The following BYSL variants were observed in gnomAD, a reference collection of about 807,000 sequenced individuals.
BYSL encodes bystin like, also known as bystin.
Under a neutral mutation model 45.4 loss-of-function variants are expected in BYSL, and 21 were observed. That is an observed-to-expected ratio of 0.46 (90% CI 0.33 to 0.67). The LOEUF (loss-of-function observed/expected upper bound fraction) is 0.67. Among genes scored for constraint, BYSL ranks in the 30% least tolerant of loss-of-function variants. The probability of loss-of-function intolerance (pLI) is 0.02; values close to 1 mark genes in which losing one functional copy is unlikely to be tolerated. For synonymous variants in BYSL, 215 were observed against 231.3 expected (o/e 0.93, Z 0.64); for missense variants, 522 against 578.5 (o/e 0.90, Z 1.00).
At chr6:41,909,478 G>C in the BYSL span, 1 of 1,614,226 alleles carries the variant, frequency 6.2e-7, no homozygotes, top group Non-Finnish European at 8.5e-7. Context: ...CAGCTCAATG[G>C]GTACTCTGAG....
At chr6:41,924,278 C>G (rs952083732) in intron 1 of BYSL, among the ~76,000 whole-genome samples, 2 of 151,774 alleles carry the variant, frequency 1.3e-5, no homozygotes, top group Admixed American at 1.3e-4. Context: ...GCTATGTTGG[C>G]CAGCCTGGTC....
intron 4 of BYSL, 55 bp from the exon 5 acceptor site, chr6:41,931,341 G>A: frequency 2.5e-6 from 4 of 1,593,108 alleles, no homozygotes; most frequent in Non-Finnish European, 3.4e-6. Context: ...TATTTAATGG[G>A]CCGGGTCCAG....
intron 1 of BYSL, among the ~76,000 whole-genome samples, chr6:41,923,724 TGCACC>T (rs1775524167): frequency 1.2e-4 from 19 of 152,206 alleles, no homozygotes; most frequent in Middle Eastern, 3.4e-3. Flanking sequence ...TGTGAGCTAC[TGCACC>T]CTGCCGTGTC....
Position 41,932,294 on chromosome 6 carries a change from G to C in BYSL, c.969-67G>C. 6.9e-7 allele frequency: 1 copy of C among 1,454,650 alleles called. No individual in the cohort carries two copies. The highest frequency in any genetic ancestry group is 9.4e-7 in the Non-Finnish European group (1 of 1,060,684). 90.1% of individuals were successfully genotyped at this position (1,454,650 alleles called of 1,614,324 possible). On this transcript the variant is annotated intron_variant, in intron 6 of 6. Coordinates refer to ENST00000230340, the MANE Select transcript of BYSL (RefSeq NM_004053.4). The surrounding 1 kb of genome is among the most constrained non-coding windows in gnomAD (Gnocchi z 4.7). ...GAAGAAAAAAAGGGGAAAGCATAGA[G>C]GGAGAAGTAGGATCCTTCTTCCAAT...
At chr6:41,912,112 G>C in the BYSL span, among the ~76,000 whole-genome samples, 1 of 148,754 alleles carries the variant, frequency 6.7e-6, no homozygotes, top group Non-Finnish European at 1.5e-5. Context: ...GTAGTGGCAT[G>C]AACACAGCTC....
At chr6:41,928,894 T>A (rs766186756) in intron 2 of BYSL, among the ~76,000 whole-genome samples, 3 of 152,166 alleles carry the variant, frequency 2.0e-5, no homozygotes, top group Non-Finnish European at 4.4e-5. Flanking sequence ...CCAAACTCAG[T>A]GCCTGGCATT....
intron 1 of BYSL, among the ~76,000 whole-genome samples, chr6:41,925,266 G>A (rs892299584): frequency 2.0e-5 from 3 of 152,172 alleles, no homozygotes; most frequent in Non-Finnish European, 2.9e-5. Flanking sequence ...CTATTGATAC[G>A]TAGCATTATA....
At chr6:41,931,070 C>A (rs144435402) in intron 4 of BYSL, among the ~76,000 whole-genome samples, 205 of 89,372 alleles carry the variant, frequency 2.3e-3, no homozygotes, top group African/African-American at 9.7e-3. Context: ...GGGATACAAC[C>A]CTGTAGCAGG....
chr6:41,909,127 T>C, the BYSL span: 3 of 1,134,868 alleles, frequency 2.6e-6, no homozygotes, highest in African/African-American at 3.1e-5. Flanking sequence ...TGTGCCAAGA[T>C]TGTGCCATTG....
intron 6 of BYSL, 26 bp downstream of exon 6, chr6:41,931,856 G>A (rs1285806320): frequency 2.5e-6 from 4 of 1,585,924 alleles, no homozygotes; most frequent in African/African-American, 2.7e-5. Flanking sequence ...GTGGAAGGGG[G>A]CTGGTCAGTG....
At chr6:41,916,755 C>T, upstream of BYSL, 1 of 1,610,984 alleles carries the variant, frequency 6.2e-7, no homozygotes, top group Non-Finnish European at 8.5e-7. Flanking sequence ...AAGCCTGGTT[C>T]CAGCCATCCT....
intron 1 of BYSL, among the ~76,000 whole-genome samples, chr6:41,924,631 A>T (rs1400201526): frequency 6.6e-6 from 1 of 152,232 alleles, no homozygotes; most frequent in Admixed American, 6.5e-5. Flanking sequence ...ATGGTCAGGT[A>T]GGTGGGAGCC....
intron 3 of BYSL, 128 bp from the exon 4 acceptor site, chr6:41,930,507 C>T: frequency 7.6e-7 from 1 of 1,322,148 alleles, no homozygotes; most frequent in Non-Finnish European, 1.0e-6. Flanking sequence ...ATAATAATGG[C>T]ACCTCCTTAT....
the BYSL span, among the ~76,000 whole-genome samples, chr6:41,916,116 C>T: frequency 6.6e-6 from 1 of 151,876 alleles, no homozygotes; most frequent in African/African-American, 2.4e-5. Context: ...GGCGTGGTGG[C>T]TCATGCCTGT....
intron 4 of BYSL, among the ~76,000 whole-genome samples, chr6:41,931,044 G>A (rs1462327248): frequency 1.9e-5 from 2 of 106,466 alleles, no homozygotes; most frequent in Admixed American, 1.7e-4. Flanking sequence ...CTAGGGGAGA[G>A]GCTTTTATAG....
intron 1 of BYSL, among the ~76,000 whole-genome samples, chr6:41,925,645 G>C (rs1351445445): frequency 6.6e-6 from 1 of 151,728 alleles, no homozygotes; most frequent in South Asian, 2.1e-4. Context: ...TTACAGGCGT[G>C]AGCCACCGCG....
Position 41,932,250 on chromosome 6 carries a change from T to A in BYSL, c.969-111T>A. 9.7e-7 allele frequency: 1 copy of A among 1,031,962 alleles called. No individual in the cohort carries two copies. 63.9% of individuals were successfully genotyped at this position (1,031,962 alleles called of 1,614,324 possible). A position where few individuals can be genotyped will look rare whatever the true frequency, so the allele number is the denominator to read the frequency against. On this transcript the variant is annotated intron_variant, in intron 6 of 6. Coordinates refer to ENST00000230340, the MANE Select transcript of BYSL (RefSeq NM_004053.4). The surrounding 1 kb of genome is among the most constrained non-coding windows in gnomAD (Gnocchi z 4.7). ...AGAAGGTCCCTGGGGAATACCATAG[T>A]GTAAGGGCCAGCAGAGGGGAAGAAA...
At chr6:41,923,907 T>G (rs896467800) in intron 1 of BYSL, among the ~76,000 whole-genome samples, 4 of 152,212 alleles carry the variant, frequency 2.6e-5, no homozygotes, top group African/African-American at 4.8e-5. Flanking sequence ...ATTAGGGGGT[T>G]TGGCCTGGTT....
rs753749685 is a variant in BYSL, at chr6:41,931,434, G to A, written c.743G>A (p.Arg248His). 8.1e-6 allele frequency: 13 copies of A among 1,614,054 alleles called. No homozygotes were observed. Among genetic ancestry groups the A allele is most frequent in the African/African-American group, 6.7e-5 (5 of 74,916 alleles). ...ASNLKERMAQ[R>H]FYNLVLLPRV... ...AACCTGAAGGAACGCATGGCCCAGC[G>A]CTTCTACAACCTTGTCCTGCTCCCT... Residue 248 changes from arginine to histidine, a missense_variant, in exon 5 of 7, where the codon CGC (arginine) becomes CAC (histidine). Transcript: ENST00000230340.
Sources: gnomAD v4.1 joint callset for allele counts (sites outside exome capture counted in the v4.1 genomes callset) on GRCh38, gnomAD v4.1.1 for gene constraint, Gnocchi (gnomAD v3.1) non-coding constraint, MANE v1.5 for transcripts, NCBI Gene and HGNC (gene_info 2026-07-23, HGNC 2026-07-21) for gene names.